The following PPP2R2C variants were observed in gnomAD, a reference collection of about 807,000 sequenced individuals.
PPP2R2C encodes protein phosphatase 2, regulatory subunit B, gamma.
A neutral mutation model predicts 45.3 loss-of-function variants in PPP2R2C; 10 were observed. The observed-to-expected ratio is 0.22, with a 90% CI of 0.14 to 0.37. PPP2R2C has a LOEUF of 0.37. PPP2R2C is among the 10% of genes least tolerant of loss of function. The pLI is 1.00. For synonymous variants in PPP2R2C, 257 were observed against 245.4 expected (o/e 1.05, Z -0.44); for missense variants, 308 against 619.7 (o/e 0.50, Z 5.34).
chr4:6,555,112 G>T (rs78323450), intron 1 of PPP2R2C, among the ~76,000 whole-genome samples: 26 of 152,212 alleles, frequency 1.7e-4, no homozygotes, highest in East Asian at 7.7e-4. Flanking sequence ...CAAGGATGGC[G>T]CCTTCTCACT....
In PPP2R2C at chr4:6,543,651, G is replaced by A. The variant is rs557672248; in HGVS notation, c.-58-8274C>T. ...CCCTGAGAACCATGCTTAACCAAGC[G>A]GCTGACATGGAGACGGAGAAGCAGC... is the stretch of plus-strand genomic sequence containing the variant. On this transcript the variant is annotated intron_variant, in intron 1 of 9. Coordinates refer to the PPP2R2C transcript ENST00000506140. Among the ~76,000 whole-genome samples, 42 of 152,222 alleles carry A rather than the reference G, an allele frequency of 2.8e-4. 1 individual carries two copies. In the South Asian group the frequency reaches 6.8e-3, roughly 25 times the overall value.
At chr4:6,534,850 A>AGCCTCAAG (rs1444135919) in intron 2 of PPP2R2C, among the ~76,000 whole-genome samples, 1 of 152,232 alleles carries the variant, frequency 6.6e-6, no homozygotes, top group African/African-American at 2.4e-5. Context: ...GCTCAGTGTG[A>AGCCTCAAG]GCCTCAGGAG....
intron 2 of PPP2R2C, among the ~76,000 whole-genome samples, chr4:6,521,965 A>G (rs972829659): frequency 1.3e-5 from 2 of 152,150 alleles, no homozygotes; most frequent in African/African-American, 2.4e-5. Context: ...GTTCTCCCCA[A>G]GAGGCAAGGG....
intron 1 of PPP2R2C, among the ~76,000 whole-genome samples, chr4:6,395,549 C>A (rs539320049): frequency 6.6e-6 from 1 of 152,318 alleles, no homozygotes; most frequent in East Asian, 1.9e-4. Flanking sequence ...ACAGTCCACC[C>A]CTGTGAAGGT....
intron 2 of PPP2R2C, among the ~76,000 whole-genome samples, chr4:6,534,392 AC>A (rs1724521883): frequency 1.3e-5 from 2 of 150,840 alleles, no homozygotes; most frequent in Non-Finnish European, 3.0e-5. Flanking sequence ...ATACACACAC[AC>A]CAACACACAC....
intron 5 of PPP2R2C, among the ~76,000 whole-genome samples, chr4:6,348,254 C>T (rs1480850364): frequency 6.6e-6 from 1 of 151,948 alleles, no homozygotes; most frequent in East Asian, 1.9e-4. Flanking sequence ...CCACTTCCCT[C>T]CTGACCTGCG....
chr4:6,535,282 A>C, exon 2 of PPP2R2C: 6 of 1,535,446 alleles, frequency 3.9e-6, no homozygotes, highest in Non-Finnish European at 4.4e-6. Flanking sequence ...GGAAACTTCC[A>C]TCAGCTGAGG....
At chr4:6,439,238 T>G (rs1720030874) in intron 1 of PPP2R2C, among the ~76,000 whole-genome samples, 2 of 152,230 alleles carry the variant, frequency 1.3e-5, no homozygotes, top group South Asian at 4.1e-4. Flanking sequence ...CAGAAATGAC[T>G]AATTACTCTA....
rs2109285059 is a variant in PPP2R2C, at chr4:6,368,480, T to G, written c.625+4043A>C. Among the ~76,000 whole-genome samples the G allele has an allele frequency of 6.6e-6, 1 of 152,288 alleles. No individual in the cohort carries two copies. Among genetic ancestry groups the G allele is most frequent in the South Asian group, 2.1e-4 (1 of 4,826 alleles). On this transcript the variant is annotated intron_variant, in intron 5 of 8. Coordinates refer to ENST00000382599, the MANE Select transcript of PPP2R2C (RefSeq NM_020416.4). This position sits in a 1 kb window ranked among gnomAD's most constrained non-coding sequence, Gnocchi z 4.2. ...CAGTAGGTGCTTAATAAATACCTGC[T>G]GGTAAATGGTGTGCTCTGCAACATG...
At chr4:6,515,328 T>G (rs1723795939) in intron 2 of PPP2R2C, among the ~76,000 whole-genome samples, 1 of 152,150 alleles carries the variant, frequency 6.6e-6, no homozygotes, top group African/African-American at 2.4e-5. Context: ...GGAAGAGCAT[T>G]CAACAAGTAC....
At chr4:6,385,009 G>A (rs1315003271) in intron 1 of PPP2R2C, among the ~76,000 whole-genome samples, 2 of 152,212 alleles carry the variant, frequency 1.3e-5, no homozygotes, top group African/African-American at 4.8e-5. Context: ...ACAAGGAGGT[G>A]AGAGGGTCTG....
intron 1 of PPP2R2C, among the ~76,000 whole-genome samples, chr4:6,551,178 A>G (rs73796252): frequency 0.021 from 3,154 of 152,276 alleles, 117 homozygotes; most frequent in African/African-American, 0.072. Context: ...GATAAGAAAC[A>G]TACCTGCCTT....
chr4:6,484,692 T>C (rs559731126), intron 2 of PPP2R2C, among the ~76,000 whole-genome samples: 3 of 151,858 alleles, frequency 2.0e-5, no homozygotes, highest in Non-Finnish European at 4.4e-5. Flanking sequence ...AGTGCATAAG[T>C]CTTTCATGTC....
rs570569979 is a variant in PPP2R2C, at chr4:6,380,671, C to T, written c.168+326G>A. Among the ~76,000 whole-genome samples the T allele has an allele frequency of 9.2e-5, 14 of 152,222 alleles. No individual in the cohort carries two copies. In the East Asian group the frequency reaches 2.5e-3, roughly 27 times the overall value. On this transcript the variant is annotated intron_variant, in intron 2 of 8. Transcript: ENST00000382599. The stretch of plus-strand genomic sequence containing the variant: ...GATGCAGGCAGCTCTCCGCAAACAT[C>T]GGCTGAGGGCAGGGGGCTCAGAACC...
intron 1 of PPP2R2C, among the ~76,000 whole-genome samples, chr4:6,537,063 C>T (rs1195041946): frequency 1.3e-5 from 2 of 151,940 alleles, no homozygotes; most frequent in South Asian, 4.2e-4. Flanking sequence ...ATTAGCCAGG[C>T]GTGGTGGTGG....
At chr4:6,354,065 C>T (rs923028933) in intron 5 of PPP2R2C, among the ~76,000 whole-genome samples, 1 of 149,630 alleles carries the variant, frequency 6.7e-6, no homozygotes, top group African/African-American at 2.5e-5. Flanking sequence ...TCCAGCCAGC[C>T]TTCAGGTCCT....
intron 2 of PPP2R2C, among the ~76,000 whole-genome samples, chr4:6,511,661 T>A (rs1475559204): frequency 1.2e-4 from 5 of 40,878 alleles, no homozygotes; most frequent in African/African-American, 5.1e-4. Context: ...GTGATGGTGG[T>A]GGTGATGGTG....
At chr4:6,340,609 A>C (rs1733370277) in intron 6 of PPP2R2C, among the ~76,000 whole-genome samples, 1 of 146,300 alleles carries the variant, frequency 6.8e-6, no homozygotes. Flanking sequence ...CACCTTCCCC[A>C]CCTGCACCGG....
chr4:6,339,896 T>C (rs528152100), intron 6 of PPP2R2C, among the ~76,000 whole-genome samples: 2 of 152,332 alleles, frequency 1.3e-5, no homozygotes, highest in African/African-American at 2.4e-5. Context: ...AGGAGGAGCT[T>C]GGAGGGTCCG....
Sources: gnomAD v4.1 joint callset for allele counts (sites outside exome capture counted in the v4.1 genomes callset) on GRCh38, gnomAD v4.1.1 for gene constraint, Gnocchi (gnomAD v3.1) non-coding constraint, MANE v1.5 for transcripts, NCBI Gene and HGNC (gene_info 2026-07-23, HGNC 2026-07-21) for gene names.